The following LYSMD1 variants were observed in gnomAD, a reference collection of about 807,000 sequenced individuals.
The protein encoded by LYSMD1 is lysM and putative peptidoglycan-binding domain-containing protein 1.
A neutral mutation model predicts 19.3 loss-of-function variants in LYSMD1; 9 were observed. The observed-to-expected ratio is 0.47, with a 90% CI of 0.28 to 0.81. The LOEUF is 0.81. LYSMD1 is among the 40% of genes least tolerant of loss of function. The pLI is 0.11. For synonymous variants in LYSMD1, 111 were observed against 111.7 expected (o/e 0.99, Z 0.04); for missense variants, 262 against 279.8 (o/e 0.94, Z 0.45).
At chr1:151,161,187 GATCAGAGCAGTAAAAAC>G (rs1683434522) in intron 2 of LYSMD1, among the ~76,000 whole-genome samples, 167 bp from the exon 3 acceptor site, 1 of 152,194 alleles carries the variant, frequency 6.6e-6, no homozygotes, top group Non-Finnish European at 1.5e-5. Flanking sequence ...CTTCATGGAT[GATCAGAGCAGTAAAAAC>G]AGTTAACTGT....
At chr1:151,163,371 TC>T (rs1683523459) in intron 1 of LYSMD1, among the ~76,000 whole-genome samples, 1 of 152,028 alleles carries the variant, frequency 6.6e-6, no homozygotes, top group South Asian at 2.1e-4. Flanking sequence ...TGTCTCTGTA[TC>T]CCCAGGAAGT....
chr1:151,158,774 T>A (rs775184784), downstream of LYSMD1: 1 of 1,614,064 alleles, frequency 6.2e-7, no homozygotes, highest in South Asian at 1.1e-5. Flanking sequence ...GGTCGCTCTG[T>A]GGCTCATCTC....
the LYSMD1 span, among the ~76,000 whole-genome samples, chr1:151,152,006 C>T: frequency 8.0e-5 from 12 of 150,096 alleles, no homozygotes; most frequent in East Asian, 9.7e-4. Context: ...GCCTGGCATA[C>T]AGTAAGTAGA....
rs1683431946 is a variant in LYSMD1 at position 151,161,138 on chromosome 1, G to A, written c.546-118C>T. On this transcript the variant is annotated intron_variant, in intron 2 of 2. Coordinates refer to ENST00000368908, the MANE Select transcript of LYSMD1 (RefSeq NM_212551.5). ...TACATAAGCTGGTTGCTTCAAGACA[G>A]TCTCAGTACCCTCTAGATAAATCCT... 9.8e-6 allele frequency: 10 copies of A among 1,022,478 alleles called. No individual in the cohort carries two copies. The Admixed American group carries it at 2.1e-4, about 21-fold the overall frequency. 63.3% of individuals were successfully genotyped at this position (1,022,478 alleles called of 1,614,324 possible). A position where few individuals can be genotyped will look rare whatever the true frequency, so the allele number is the denominator to read the frequency against.
At chr1:151,149,550 G>A in the LYSMD1 span, among the ~76,000 whole-genome samples, 18 of 152,096 alleles carry the variant, frequency 1.2e-4, no homozygotes, top group Admixed American at 1.0e-3. Context: ...AGGAGTTCGA[G>A]ACCAGCCTGG....
intron 1 of LYSMD1, among the ~76,000 whole-genome samples, chr1:151,164,095 T>C (rs1683561937): frequency 6.6e-6 from 1 of 151,990 alleles, no homozygotes; most frequent in South Asian, 2.1e-4. Context: ...GGTTTCACCA[T>C]GTTGGCCAGA....
downstream of LYSMD1, among the ~76,000 whole-genome samples, chr1:151,158,458 C>T (rs1181501292): frequency 6.6e-6 from 1 of 151,962 alleles, no homozygotes; most frequent in South Asian, 2.1e-4. Context: ...CCGGGGCTAT[C>T]GCCACTCCCG....
At chr1:151,150,640 T>C in the LYSMD1 span, among the ~76,000 whole-genome samples, 2 of 152,214 alleles carry the variant, frequency 1.3e-5, no homozygotes, top group African/African-American at 4.8e-5. Flanking sequence ...GAGGTCCCTC[T>C]TTCTCTTAAC....
chr1:151,165,151 C>T lies in LYSMD1; in HGVS notation c.108G>A (p.Arg36=). Reference sequence around the variant, plus strand: ...CCAACTGATGCTCCAGGCGTCTTTCCCTCACTGGGGAGCAGGCCGATTGCA... The same window carrying T: ...CCAACTGATGCTCCAGGCGTCTTTCTCTCACTGGGGAGCAGGCCGATTGCA... The part of the protein sequence containing the change: ...SLVQSACSPV[R]ERRLEHQLEP... The change falls in exon 1 of 3, where the codon AGG becomes AGA. Residue 36 remains arginine, a synonymous_variant. Coordinates refer to ENST00000368908, the MANE Select transcript of LYSMD1 (RefSeq NM_212551.5). The T allele has an allele frequency of 6.2e-7, 1 of 1,614,212 alleles. No homozygotes were observed. The highest frequency in any genetic ancestry group is 1.6e-4 in the Middle Eastern group (1 of 6,062).
chr1:151,158,730 G>A, downstream of LYSMD1: 1 of 1,610,838 alleles, frequency 6.2e-7, no homozygotes, highest in South Asian at 1.1e-5. Context: ...GCCTGGCACT[G>A]CAAGCAGAGA....
chr1:151,159,067 C>T (rs749741483), downstream of LYSMD1: 9 of 1,614,042 alleles, frequency 5.6e-6, no homozygotes, highest in Admixed American at 3.3e-5. Flanking sequence ...GACCGAGTGC[C>T]GGGATGTGCT....
At chr1:151,159,295 CTG>C, downstream of LYSMD1, 1 of 1,564,024 alleles carries the variant, frequency 6.4e-7, no homozygotes, top group Non-Finnish European at 8.7e-7. Context: ...AAATGGTTGA[CTG>C]AGAAAACACA....
chr1:151,158,793 T>A, downstream of LYSMD1: 1 of 1,612,878 alleles, frequency 6.2e-7, no homozygotes, highest in Non-Finnish European at 8.5e-7. Flanking sequence ...TCTTCATAGA[T>A]GAGACAAGCA....
chr1:151,161,366 G>A (rs938748363), intron 2 of LYSMD1, among the ~76,000 whole-genome samples: 5 of 152,044 alleles, frequency 3.3e-5, no homozygotes, highest in East Asian at 1.9e-4. Context: ...GCGTGGTGGC[G>A]GGCGCCTGTA....
At chr1:151,156,848 T>C (rs1683239197), downstream of LYSMD1, 1 of 152,318 alleles carries the variant, frequency 6.6e-6, no homozygotes, top group Non-Finnish European at 1.5e-5. Context: ...GGGTCCTTTG[T>C]AGAGCTTAGC....
the LYSMD1 span, among the ~76,000 whole-genome samples, chr1:151,151,797 C>T: frequency 2.6e-5 from 4 of 151,582 alleles, no homozygotes; most frequent in African/African-American, 4.8e-5. Flanking sequence ...GGCATGGTGG[C>T]GGGCGCCTGT....
chr1:151,149,338 A>C, the LYSMD1 span, among the ~76,000 whole-genome samples: 3 of 152,146 alleles, frequency 2.0e-5, no homozygotes, highest in Admixed American at 6.5e-5. Flanking sequence ...AGGAGATTGC[A>C]GTGAGCCAAG....
downstream of LYSMD1, chr1:151,158,896 G>A (rs1365077768): frequency 1.9e-6 from 3 of 1,614,208 alleles, no homozygotes; most frequent in Non-Finnish European, 2.5e-6. Context: ...GATCAAAGTG[G>A]CCATCAAGGT....
chr1:151,157,814 C>A (rs993283239), downstream of LYSMD1, among the ~76,000 whole-genome samples: 1 of 152,182 alleles, frequency 6.6e-6, no homozygotes, highest in Non-Finnish European at 1.5e-5. Context: ...TTAGTTATTA[C>A]TCCTATTAGG....
Sources: allele counts gnomAD v4.1 joint callset (sites outside exome capture counted in the v4.1 genomes callset), GRCh38; gene constraint gnomAD v4.1.1; transcripts MANE v1.5; gene names NCBI Gene and HGNC (gene_info 2026-07-23, HGNC 2026-07-21).